The following MYO3A variants were observed in gnomAD, a reference collection of about 807,000 sequenced individuals.
MYO3A encodes myosin IIIA.
MYO3A carries 180 observed loss-of-function variants against 192.7 expected under a neutral mutation model. The observed-to-expected ratio is 0.93, with a 90% CI of 0.83 to 1.06. The LOEUF is 1.06. Among genes scored for constraint, MYO3A ranks in the 50% least tolerant of loss-of-function variants. The pLI is 0.00. For missense variants in MYO3A, 1,896 were observed against 1,905.0 expected (o/e 1.00, Z 0.09); for synonymous variants, 628 against 645.3 (o/e 0.97, Z 0.41).
intron 10 of MYO3A, among the ~76,000 whole-genome samples, chr10:26,027,047 G>A (rs1842587750): frequency 6.6e-6 from 1 of 152,040 alleles, no homozygotes; most frequent in Admixed American, 6.6e-5. Context: ...GATCATTTTT[G>A]TATTGGTATA....
At chr10:26,111,889 C>T (rs145004471) in intron 17 of MYO3A, among the ~76,000 whole-genome samples, 265 of 152,288 alleles carry the variant, frequency 1.7e-3, no homozygotes, top group Non-Finnish European at 2.9e-3. Flanking sequence ...GGGGCTGGGC[C>T]TCTTCATAGC....
At chr10:25,955,792 A>G (rs1371847076) in intron 4 of MYO3A, among the ~76,000 whole-genome samples, 2 of 152,194 alleles carry the variant, frequency 1.3e-5, no homozygotes, top group African/African-American at 2.4e-5. Context: ...ATAACAGCAT[A>G]TATTTATTGT....
At chr10:26,047,666 T>A (rs1395372613) in intron 10 of MYO3A, among the ~76,000 whole-genome samples, 2 of 151,940 alleles carry the variant, frequency 1.3e-5, no homozygotes, top group Non-Finnish European at 2.9e-5. Context: ...TCCCAGCTAC[T>A]CTGGAGGCTG....
chr10:26,032,280 T>G (rs568390849), intron 10 of MYO3A, among the ~76,000 whole-genome samples: 1 of 152,266 alleles, frequency 6.6e-6, no homozygotes, highest in East Asian at 1.9e-4. Flanking sequence ...TGTGGAAGGA[T>G]TAACAAAAGA....
intron 17 of MYO3A, among the ~76,000 whole-genome samples, chr10:26,100,546 C>T (rs1051260335): frequency 6.6e-6 from 1 of 152,164 alleles, no homozygotes. Flanking sequence ...GCATTTAGTG[C>T]TATAAATTTC....
intron 6 of MYO3A, among the ~76,000 whole-genome samples, chr10:26,011,212 T>C (rs1588770834): frequency 6.6e-6 from 1 of 152,126 alleles, no homozygotes; most frequent in Non-Finnish European, 1.5e-5. Context: ...GTGAATCGCT[T>C]GAGCCAACGA....
At chr10:26,192,209 G>C (rs1843174425) in intron 31 of MYO3A, among the ~76,000 whole-genome samples, 1 of 152,202 alleles carries the variant, frequency 6.6e-6, no homozygotes, top group African/African-American at 2.4e-5. Context: ...CTCCCGGTTT[G>C]AGATCTTGGC....
At chr10:26,085,101 G>T (rs1439389759) in intron 14 of MYO3A, among the ~76,000 whole-genome samples, 1 of 151,966 alleles carries the variant, frequency 6.6e-6, no homozygotes, top group African/African-American at 2.4e-5. Context: ...TACACCTGTT[G>T]TAATTTCTCT....
At chr10:25,961,233 A>G (rs886097223) in intron 4 of MYO3A, among the ~76,000 whole-genome samples, 12 of 152,164 alleles carry the variant, frequency 7.9e-5, no homozygotes, top group African/African-American at 2.9e-4. Flanking sequence ...TAAATGGCCA[A>G]CAAAATAAGG....
chr10:26,211,115 C>CTT (rs1194149004), intron 34 of MYO3A, among the ~76,000 whole-genome samples: 2 of 152,212 alleles, frequency 1.3e-5, no homozygotes, highest in Non-Finnish European at 2.9e-5. Context: ...ACAGCAAGGA[C>CTT]TTCTGCTCAC....
chr10:26,047,729 T>G (rs1843715993), intron 10 of MYO3A, among the ~76,000 whole-genome samples: 1 of 151,850 alleles, frequency 6.6e-6, no homozygotes, highest in African/African-American at 2.4e-5. Context: ...GAGCCGAGAT[T>G]GCACCACTGC....
At chr10:26,012,826 A>G (rs1435811329) in intron 6 of MYO3A, among the ~76,000 whole-genome samples, 1 of 152,084 alleles carries the variant, frequency 6.6e-6, no homozygotes, top group Non-Finnish European at 1.5e-5. Flanking sequence ...AAAACTGAAC[A>G]AAAACAAAAA....
Position 26,007,423 on chromosome 10 carries a change from G to A in MYO3A, c.509-9397G>A, listed in dbSNP as rs1241276283. The stretch of plus-strand genomic sequence containing the variant: ...AAGGAAATAAAGGGTATTCAGTTAG[G>A]AAAAGAGGAAGTCAAATTGTCCCTG... On this transcript the variant is annotated intron_variant, in intron 6 of 34. Coordinates refer to ENST00000642920, the MANE Select transcript of MYO3A (RefSeq NM_017433.5). Among the ~76,000 whole-genome samples the A allele has an allele frequency of 4.7e-4, 71 of 149,824 alleles. 1 individual carries two copies. Among genetic ancestry groups the A allele is most frequent in the African/African-American group, 1.8e-3 (70 of 39,756 alleles).
At position 26,166,044 on chromosome 10, in the gene MYO3A, C is replaced by T. The variant is rs1305025051; in HGVS notation, c.3000-23C>T. Reference sequence around the variant, plus strand: ...ATGTTGGCACTTTATGCAATACTAACCAGCCCTTTTTTCCATTCCAAGGTA... The same window carrying T: ...ATGTTGGCACTTTATGCAATACTAATCAGCCCTTTTTTCCATTCCAAGGTA... On this transcript the variant is annotated intron_variant, in intron 26 of 34. Transcript: ENST00000642920. 3.1e-6 allele frequency: 5 copies of T among 1,595,628 alleles called. No homozygotes were observed. In the African/African-American group the frequency reaches 6.7e-5, roughly 21 times the overall value.
At chr10:26,086,381 CA>C (rs1207151387) in intron 14 of MYO3A, among the ~76,000 whole-genome samples, 2 of 152,156 alleles carry the variant, frequency 1.3e-5, no homozygotes, top group African/African-American at 4.8e-5. Context: ...TACAATTTGA[CA>C]TGAGATTTGG....
rs1196889 is a variant in MYO3A at position 26,098,440 on chromosome 10, C to G, written c.1776+1758C>G. 8.6e-3 allele frequency among the ~76,000 whole-genome samples: 1,306 copies of G among 152,268 alleles called. 43 individuals carry two copies. The highest frequency in any genetic ancestry group is 0.061 in the Admixed American group (936 of 15,290). Reference sequence around the variant, plus strand: ...ATTAGATCCCATTTGTCAATTTTGGCTTTTGTTGCCATTGCTTTTGGTGTT... The same window carrying G: ...ATTAGATCCCATTTGTCAATTTTGGGTTTTGTTGCCATTGCTTTTGGTGTT... On this transcript the variant is annotated intron_variant, in intron 17 of 34. Coordinates refer to ENST00000642920, the MANE Select transcript of MYO3A (RefSeq NM_017433.5).
intron 17 of MYO3A, among the ~76,000 whole-genome samples, chr10:26,108,321 A>G (rs1001875075): frequency 1.3e-5 from 2 of 152,232 alleles, no homozygotes; most frequent in Non-Finnish European, 2.9e-5. Flanking sequence ...TAAACAGTCA[A>G]TGTGTCTGCT....
chr10:26,198,757 T>TTAGCTTTAAAGAATA (rs1843538095), intron 32 of MYO3A, among the ~76,000 whole-genome samples: 1 of 152,168 alleles, frequency 6.6e-6, no homozygotes, highest in Non-Finnish European at 1.5e-5. Context: ...GACACTATTC[T>TTAGCTTTAAAGAATA]TTAAAGGCCT....
intron 4 of MYO3A, among the ~76,000 whole-genome samples, chr10:25,983,261 GT>G (rs374643116): frequency 6.1e-4 from 86 of 141,936 alleles, no homozygotes; most frequent in Middle Eastern, 3.7e-3. Flanking sequence ...AATGATTTTT[GT>G]TTTTTTTTTT....
Sources: gnomAD v4.1 joint callset for allele counts (sites outside exome capture counted in the v4.1 genomes callset) on GRCh38, gnomAD v4.1.1 for gene constraint, MANE v1.5 for transcripts, NCBI Gene and HGNC (gene_info 2026-07-23, HGNC 2026-07-21) for gene names.